SPON1: variants seen among roughly 807,000 people sequenced by gnomAD.
The protein encoded by SPON1 is spondin-1.
In SPON1, 52 loss-of-function variants were observed where a neutral mutation model predicts 111.7. The observed-to-expected ratio is 0.47, with a 90% confidence interval of 0.37 to 0.59. The LOEUF is 0.59. Ranked by LOEUF, SPON1 falls within the 20% of genes least tolerant of loss-of-function variation. The pLI is 0.00. For synonymous variants in SPON1, 410 were observed against 395.8 expected (o/e 1.04, Z -0.43); for missense variants, 957 against 1,068.5 (o/e 0.90, Z 1.46).
At chr11:14,025,949 G>A (rs1190737330) in intron 2 of SPON1, among the ~76,000 whole-genome samples, 1 of 152,160 alleles carries the variant, frequency 6.6e-6, no homozygotes, top group Non-Finnish European at 1.5e-5. Flanking sequence ...TTCCTGTTAT[G>A]TTCTTTATCC....
chr11:14,213,289 G>A (rs1848594572), intron 6 of SPON1, among the ~76,000 whole-genome samples: 1 of 152,126 alleles, frequency 6.6e-6, no homozygotes, highest in Non-Finnish European at 1.5e-5. Flanking sequence ...TGTAAGAAAA[G>A]GCTGATGAAG....
At chr11:14,021,745 T>C (rs1230014190) in intron 2 of SPON1, among the ~76,000 whole-genome samples, 1 of 152,178 alleles carries the variant, frequency 6.6e-6, no homozygotes, top group Non-Finnish European at 1.5e-5. Flanking sequence ...GGCTCCTTCT[T>C]CCAAGGACTG....
intron 6 of SPON1, among the ~76,000 whole-genome samples, chr11:14,164,360 A>T (rs1223230273): frequency 6.6e-6 from 1 of 152,160 alleles, no homozygotes; most frequent in Non-Finnish European, 1.5e-5. Flanking sequence ...CCAGAATAAT[A>T]CATTTCCCAG....
At chr11:14,091,323 G>A (rs545342717) in intron 5 of SPON1, among the ~76,000 whole-genome samples, 7 of 152,346 alleles carry the variant, frequency 4.6e-5, no homozygotes, top group South Asian at 4.1e-4. Context: ...CGTGCCGAGC[G>A]CTGGCATTCC....
At chr11:14,184,719 C>G (rs1554933924) in intron 6 of SPON1, among the ~76,000 whole-genome samples, 1 of 152,208 alleles carries the variant, frequency 6.6e-6, no homozygotes, top group Admixed American at 6.5e-5. Context: ...ACATCCAGCT[C>G]TGGGCTGCTG....
At chr11:14,071,697 A>G (rs1848877550) in intron 3 of SPON1, among the ~76,000 whole-genome samples, 1 of 151,450 alleles carries the variant, frequency 6.6e-6, no homozygotes, top group Non-Finnish European at 1.5e-5. Flanking sequence ...GGGAGGATAA[A>G]TGAAATTCAT....
intron 6 of SPON1, among the ~76,000 whole-genome samples, chr11:14,202,119 A>C (rs1416052681): frequency 6.6e-6 from 1 of 152,220 alleles, no homozygotes; most frequent in Non-Finnish European, 1.5e-5. Context: ...TGAGAGCTCT[A>C]ATTGAACACT....
intron 5 of SPON1, among the ~76,000 whole-genome samples, chr11:14,123,383 G>A (rs1433083008): frequency 6.6e-6 from 1 of 152,136 alleles, no homozygotes; most frequent in Non-Finnish European, 1.5e-5. Context: ...TCTAAGCTGT[G>A]TTGGGGTAAG....
rs1849154323 is a variant in SPON1 at position 14,259,980 on chromosome 11, A to G, written c.1831+279A>G. Among the ~76,000 whole-genome samples, 1 of 152,130 alleles carries G rather than the reference A, an allele frequency of 6.6e-6. No homozygotes were observed. Among genetic ancestry groups the G allele is most frequent in the Non-Finnish European group, 1.5e-5 (1 of 68,006 alleles). ...GAATTCACCTGCAGCTGTGTTTTAT[A>G]GGAGTGTCTTTCTTGCAGTGGTGGG... On this transcript the variant is annotated intron_variant, in intron 13 of 15. Transcript: ENST00000576479. This position sits in a 1 kb window ranked among gnomAD's most constrained non-coding sequence, Gnocchi z 5.0.
intron 5 of SPON1, among the ~76,000 whole-genome samples, chr11:14,091,194 G>A (rs1474374238): frequency 3.3e-5 from 5 of 152,110 alleles, no homozygotes; most frequent in Non-Finnish European, 5.9e-5. Context: ...TGATTGGTGT[G>A]TTTACAATCC....
rs1297252177 is a variant in SPON1 at position 14,238,056 on chromosome 11, T to C, written c.826-5276T>C. Among the ~76,000 whole-genome samples the C allele has an allele frequency of 2.0e-5, 3 of 152,258 alleles. No individual in the cohort carries two copies. In the South Asian group the frequency reaches 6.2e-4, roughly 32 times the overall value. ...ATGTGTTTCTGAGGATTAAAACGTATATATCCACCTTGCAAATGTGTTGTA... is the reference window on the plus strand; with the variant it reads ...ATGTGTTTCTGAGGATTAAAACGTACATATCCACCTTGCAAATGTGTTGTA... On this transcript the variant is annotated intron_variant, in intron 6 of 15. Coordinates refer to ENST00000576479, the MANE Select transcript of SPON1 (RefSeq NM_006108.4).
chr11:13,983,054 A>C (rs2133781525), intron 2 of SPON1, 101 bp downstream of exon 2: 1 of 737,776 alleles, frequency 1.4e-6, no homozygotes, highest in East Asian at 2.7e-5. Context: ...CAGTCCCTTG[A>C]CCGTTGGCCA....
intron 6 of SPON1, among the ~76,000 whole-genome samples, chr11:14,176,592 C>T (rs1388524202): frequency 1.3e-5 from 2 of 152,144 alleles, no homozygotes; most frequent in Non-Finnish European, 2.9e-5. Context: ...CAGCAATACT[C>T]ACCAATCCAG....
At chr11:14,166,335 C>T (rs188023608) in intron 6 of SPON1, among the ~76,000 whole-genome samples, 1 of 152,216 alleles carries the variant, frequency 6.6e-6, no homozygotes, top group East Asian at 1.9e-4. Flanking sequence ...TAGAAAAGAA[C>T]AAATATGATC....
At chr11:14,091,627 G>C (rs1471269907) in intron 5 of SPON1, among the ~76,000 whole-genome samples, 3 of 142,708 alleles carry the variant, frequency 2.1e-5, no homozygotes, top group Non-Finnish European at 3.1e-5. Flanking sequence ...TCCGAGTGCG[G>C]AGCCCGCCAA....
chr11:14,047,931 A>G (rs2133816891), intron 3 of SPON1, among the ~76,000 whole-genome samples: 1 of 152,302 alleles, frequency 6.6e-6, no homozygotes, highest in East Asian at 1.9e-4. Context: ...ACTGGGAGGA[A>G]TGTTCATTAA....
At chr11:14,264,337 T>C (rs912573201) in intron 15 of SPON1, among the ~76,000 whole-genome samples, 16 of 152,306 alleles carry the variant, frequency 1.1e-4, no homozygotes, top group African/African-American at 3.8e-4. Flanking sequence ...AGAGGCCAGA[T>C]AGGTTTTATT....
intron 3 of SPON1, among the ~76,000 whole-genome samples, chr11:14,056,669 C>T (rs1456412443): frequency 1.3e-5 from 2 of 152,036 alleles, no homozygotes; most frequent in African/African-American, 2.4e-5. Context: ...GCAGGTGGAT[C>T]ACGAGGTCAG....
rs782295800 is a variant in SPON1 at position 14,259,234 on chromosome 11, C to CG, written c.1493-46_1493-45insG. 2 of 1,522,102 alleles carry CG rather than the reference C, an allele frequency of 1.3e-6. No homozygotes were observed. Among genetic ancestry groups the CG allele is most frequent in the East Asian group, 2.4e-5 (1 of 41,700 alleles). 94.3% of individuals were successfully genotyped at this position (1,522,102 alleles called of 1,614,324 possible). A position where few individuals can be genotyped will look rare whatever the true frequency, so the allele number is the denominator to read the frequency against. Reference sequence around the variant, plus strand: ...TTCCCACCGCGCAGCCTGGCAGGCGCCCCTGCCACCGTGCACTGCTGCAGC... The same window carrying CG: ...TTCCCACCGCGCAGCCTGGCAGGCGCGCCCTGCCACCGTGCACTGCTGCAGC... On this transcript the variant is annotated intron_variant, in intron 11 of 15. Coordinates refer to ENST00000576479, the MANE Select transcript of SPON1 (RefSeq NM_006108.4). The surrounding 1 kb of genome is among the most constrained non-coding windows in gnomAD (Gnocchi z 5.0).
Sources: allele counts gnomAD v4.1 joint callset (sites outside exome capture counted in the v4.1 genomes callset), GRCh38; gene constraint gnomAD v4.1.1; non-coding constraint Gnocchi (gnomAD v3.1); transcripts MANE v1.5; gene names NCBI Gene and HGNC (gene_info 2026-07-23, HGNC 2026-07-21).